Variants in ANO3 observed in about 807,000 individuals in gnomAD.
ANO3 encodes anoctamin 3.
ANO3 carries 99 observed loss-of-function variants against 144.8 expected under a neutral mutation model. The ratio of observed to expected loss-of-function variants is 0.68; its 90% CI spans 0.58 to 0.81. The LOEUF (loss-of-function observed/expected upper bound fraction) is 0.81, where lower values mean the gene tolerates loss of function less well. Among genes scored for constraint, ANO3 ranks in the 30% least tolerant of loss-of-function variants. The pLI, the probability that ANO3 is intolerant of heterozygous loss-of-function variation, is 0.00. For synonymous variants in ANO3, 414 were observed against 392.6 expected, an observed-to-expected ratio of 1.05 and a Z score of -0.64; for missense variants, 905 against 1,202.2, an observed-to-expected ratio of 0.75 and a Z score of 3.66.
intron 1 of ANO3, among the ~76,000 whole-genome samples, chr11:26,227,294 A>AT: frequency 6.6e-6 from 1 of 152,276 alleles, no homozygotes; most frequent in African/African-American, 2.4e-5. Context: ...CTGTTGTCTC[A>AT]TGCATTTGCT....
chr11:26,514,330 T>C (rs1180304448), intron 5 of ANO3, among the ~76,000 whole-genome samples: 2 of 152,064 alleles, frequency 1.3e-5, no homozygotes, highest in East Asian at 1.9e-4. Flanking sequence ...TTTTGGGTAG[T>C]TTCTGATTTG....
At chr11:26,355,137 T>C (rs1195866060) in intron 1 of ANO3, among the ~76,000 whole-genome samples, 1 of 152,114 alleles carries the variant, frequency 6.6e-6, no homozygotes, top group Admixed American at 6.5e-5. Context: ...TCTGATTTTC[T>C]TGTATTAGGG....
chr11:26,626,211 A>G (rs1317145761), intron 18 of ANO3, among the ~76,000 whole-genome samples: 1 of 152,280 alleles, frequency 6.6e-6, no homozygotes, highest in African/African-American at 2.4e-5. Context: ...TTTATCATTT[A>G]TTATGCTGGA....
chr11:26,342,262 T>C (rs1855382437), intron 1 of ANO3, among the ~76,000 whole-genome samples: 1 of 152,144 alleles, frequency 6.6e-6, no homozygotes, highest in Admixed American at 6.5e-5. Flanking sequence ...GCTAAATGCA[T>C]GTGCTATGGT....
At chr11:26,315,821 C>A (rs1347218179) in intron 1 of ANO3, among the ~76,000 whole-genome samples, 1 of 151,980 alleles carries the variant, frequency 6.6e-6, no homozygotes, top group Non-Finnish European at 1.5e-5. Context: ...AACCCAAAAG[C>A]CAGATTTGTC....
At chr11:26,603,057 A>T (rs1023795157) in intron 17 of ANO3, among the ~76,000 whole-genome samples, 11 of 152,322 alleles carry the variant, frequency 7.2e-5, no homozygotes, top group South Asian at 2.1e-4. Flanking sequence ...TTACATTTTT[A>T]AAAAATTTTA....
chr11:26,661,514 C>G lies in ANO3; in HGVS notation c.*1070C>G, dbSNP rs1853877021. 6.6e-6 allele frequency: 1 copy of G among 152,488 alleles called. No individual in the cohort carries two copies. The highest frequency in any genetic ancestry group is 1.5e-5 in the Non-Finnish European group (1 of 68,002). 9.4% of individuals were successfully genotyped at this position (152,488 alleles called of 1,614,324 possible). On this transcript the variant is annotated 3_prime_UTR_variant, in exon 27 of 27. Transcript: ENST00000256737. ...GCTTTTTCAACAATGTGCACTCTTA[C>G]TCATGAACTAATGAAAATAATGCAT...
intron 4 of ANO3, among the ~76,000 whole-genome samples, chr11:26,482,419 C>T (rs1045311576): frequency 1.5e-5 from 2 of 130,582 alleles, no homozygotes; most frequent in African/African-American, 3.0e-5. Context: ...AATTTGAACA[C>T]AGATATATGT....
At chr11:26,652,910 G>A (rs567438107) in intron 24 of ANO3, among the ~76,000 whole-genome samples, 81 of 152,284 alleles carry the variant, frequency 5.3e-4, no homozygotes, top group African/African-American at 1.8e-3. Flanking sequence ...TGATAATTGA[G>A]CATTCCCTTC....
At chr11:26,491,677 A>G (rs537625240) in intron 4 of ANO3, among the ~76,000 whole-genome samples, 2 of 152,330 alleles carry the variant, frequency 1.3e-5, no homozygotes, top group Non-Finnish European at 2.9e-5. Context: ...AAAAATAGCC[A>G]TAAGAAATTT....
At chr11:26,580,156 A>T (rs979222046) in intron 14 of ANO3, among the ~76,000 whole-genome samples, 2 of 147,920 alleles carry the variant, frequency 1.4e-5, no homozygotes, top group African/African-American at 5.0e-5. Flanking sequence ...AAATATTTTA[A>T]TCAACTGACT....
intron 3 of ANO3, among the ~76,000 whole-genome samples, chr11:26,459,595 CACACACACACAT>C (rs1234086709): frequency 6.6e-6 from 1 of 151,892 alleles, no homozygotes; most frequent in Non-Finnish European, 1.5e-5. Flanking sequence ...AAAATGTACA[CACACACACACAT>C]ACATATATAT....
At chr11:26,603,169 C>A (rs1851845781) in intron 17 of ANO3, among the ~76,000 whole-genome samples, 2 of 152,132 alleles carry the variant, frequency 1.3e-5, no homozygotes, top group South Asian at 4.1e-4. Context: ...ATATATCTGG[C>A]AAAGCTAGAA....
At chr11:26,264,957 G>A (rs189740952) in intron 1 of ANO3, among the ~76,000 whole-genome samples, 83 of 151,676 alleles carry the variant, frequency 5.5e-4, no homozygotes, top group African/African-American at 2.0e-3. Flanking sequence ...TACAGTAAAT[G>A]AATTTTCTTT....
At chr11:26,513,078 A>G (rs1351589228) in intron 5 of ANO3, among the ~76,000 whole-genome samples, 1 of 152,142 alleles carries the variant, frequency 6.6e-6, no homozygotes, top group African/African-American at 2.4e-5. Flanking sequence ...AAAAAAAGAG[A>G]GGGTATAAGA....
intron 1 of ANO3, among the ~76,000 whole-genome samples, chr11:26,295,204 C>A (rs1041201397): frequency 1.3e-5 from 2 of 152,012 alleles, no homozygotes; most frequent in Admixed American, 6.6e-5. Flanking sequence ...TGAGCCACCG[C>A]GCCTGCCTCA....
chr11:26,598,792 A>C, intron 15 of ANO3, 66 bp from the exon 16 acceptor site: 1 of 1,534,132 alleles, frequency 6.5e-7, no homozygotes, highest in South Asian at 1.2e-5. Flanking sequence ...TATCGTATCA[A>C]TTCTTGGGGG....
chr11:26,468,211 T>A (rs931615699), intron 4 of ANO3, among the ~76,000 whole-genome samples: 2 of 151,966 alleles, frequency 1.3e-5, no homozygotes. Flanking sequence ...GCATCCGTAG[T>A]GGGCATTAGT....
chr11:26,201,832 T>A (rs983312217), intron 1 of ANO3, among the ~76,000 whole-genome samples: 2 of 151,566 alleles, frequency 1.3e-5, no homozygotes, highest in Admixed American at 6.6e-5. Flanking sequence ...CAGTTTTTCA[T>A]CTGTAGAAGA....
Sources: gnomAD v4.1 joint callset for allele counts (sites outside exome capture counted in the v4.1 genomes callset) on GRCh38, gnomAD v4.1.1 for gene constraint, MANE v1.5 for transcripts, NCBI Gene and HGNC (gene_info 2026-07-23, HGNC 2026-07-21) for gene names.